Variants in GRIK2 observed in about 807,000 individuals in gnomAD.
GRIK2 encodes glutamate ionotropic receptor kainate type subunit 2, also known as glutamate receptor ionotropic, kainate 2.
Under a neutral mutation model 100.3 loss-of-function variants are expected in GRIK2, and 32 were observed. That is an observed-to-expected ratio of 0.32 (90% confidence interval 0.24 to 0.43). GRIK2 has a LOEUF of 0.43. Among genes scored for constraint, GRIK2 ranks in the 20% least tolerant of loss-of-function variants. The probability of loss-of-function intolerance (pLI) is 1.00; values close to 1 mark genes in which losing one functional copy is unlikely to be tolerated. For missense variants in GRIK2, 843 were observed against 1,114.9 expected (o/e 0.76, Z 3.47); for synonymous variants, 417 against 389.4 (o/e 1.07, Z -0.83).
intron 7 of GRIK2, among the ~76,000 whole-genome samples, chr6:101,700,270 T>A (rs1218577450): frequency 1.3e-5 from 2 of 151,980 alleles, no homozygotes; most frequent in African/African-American, 4.8e-5. Flanking sequence ...TTAGCATCAC[T>A]AAGTACAGGA....
chr6:101,394,367 G>A (rs1221578889), intron 1 of GRIK2, among the ~76,000 whole-genome samples: 1 of 152,222 alleles, frequency 6.6e-6, no homozygotes, highest in East Asian at 1.9e-4. Context: ...GGAGTGGGCA[G>A]TGTTACCAGG....
intron 14 of GRIK2, chr6:101,993,530 A>T (rs183591259): frequency 7.3e-5 from 11 of 151,296 alleles, no homozygotes; most frequent in Admixed American, 2.6e-4. Context: ...ACAGGCTTTA[A>T]AATCTAATGA....
At chr6:101,908,757 G>A (rs1788422723) in intron 12 of GRIK2, among the ~76,000 whole-genome samples, 1 of 149,098 alleles carries the variant, frequency 6.7e-6, no homozygotes, top group African/African-American at 2.5e-5. Context: ...TGAAAAGACA[G>A]ATAAGATAGG....
At chr6:101,885,248 T>A (rs925867575) in intron 11 of GRIK2, among the ~76,000 whole-genome samples, 1 of 152,110 alleles carries the variant, frequency 6.6e-6, no homozygotes. Context: ...GAGAAATTAA[T>A]GTGGATAGAG....
intron 2 of GRIK2, among the ~76,000 whole-genome samples, chr6:101,577,176 C>T (rs1160055816): frequency 1.3e-5 from 2 of 148,172 alleles, no homozygotes; most frequent in Middle Eastern, 3.3e-3. Flanking sequence ...AAAAAAACAA[C>T]AACATCAGGC....
chr6:101,985,570 A>C (rs1013479862), intron 14 of GRIK2, among the ~76,000 whole-genome samples: 1 of 151,790 alleles, frequency 6.6e-6, no homozygotes, highest in African/African-American at 2.4e-5. Flanking sequence ...AGTGAAGCAC[A>C]GTTTGTCCAT....
At chr6:101,985,040 A>ACTT (rs2128490519) in intron 14 of GRIK2, among the ~76,000 whole-genome samples, 1 of 151,784 alleles carries the variant, frequency 6.6e-6, no homozygotes, top group Non-Finnish European at 1.5e-5. Context: ...ACAGTGGAAA[A>ACTT]CTTATTGCTA....
At chr6:101,981,023 C>T (rs1373286502) in intron 14 of GRIK2, among the ~76,000 whole-genome samples, 1 of 150,924 alleles carries the variant, frequency 6.6e-6, no homozygotes, top group East Asian at 2.0e-4. Context: ...CAACAGAATT[C>T]CACTTAATCT....
At chr6:101,960,104 T>C (rs1174594792) in intron 14 of GRIK2, among the ~76,000 whole-genome samples, 3 of 143,606 alleles carry the variant, frequency 2.1e-5, no homozygotes, top group Non-Finnish European at 1.5e-5. Context: ...GTCTTTAAGC[T>C]CTGATTATTT....
At chr6:101,482,148 A>G (rs1219511094) in intron 2 of GRIK2, among the ~76,000 whole-genome samples, 1 of 152,192 alleles carries the variant, frequency 6.6e-6, no homozygotes, top group Non-Finnish European at 1.5e-5. Flanking sequence ...ATTGGTTATT[A>G]TACACACTAG....
chr6:101,856,704 T>C (rs771117447), intron 10 of GRIK2, among the ~76,000 whole-genome samples: 2 of 152,126 alleles, frequency 1.3e-5, no homozygotes, highest in Non-Finnish European at 2.9e-5. Context: ...GGTCTTTATG[T>C]GATCGAAGAG....
Position 101,936,065 on chromosome 6 carries a change from CT to C in GRIK2, c.2085+7443del, listed in dbSNP as rs969899247. ...TCACATATTGAAGTTTATAGATAATCTTTTTTTTTTCTTTGTGCTTTAATGA... is the reference window on the plus strand; with the variant it reads ...TCACATATTGAAGTTTATAGATAATCTTTTTTTTTCTTTGTGCTTTAATGA... On this transcript the variant is annotated intron_variant, in intron 14 of 16. Coordinates refer to ENST00000369134, the MANE Select transcript of GRIK2 (RefSeq NM_021956.5). Among the ~76,000 whole-genome samples the C allele has an allele frequency of 8.2e-4, 122 of 149,288 alleles. 3 individuals carry two copies. Among genetic ancestry groups the C allele is most frequent in the African/African-American group, 2.3e-3 (95 of 40,794 alleles).
chr6:101,682,926 G>A (rs569518877), intron 6 of GRIK2, among the ~76,000 whole-genome samples: 108 of 152,030 alleles, frequency 7.1e-4, no homozygotes, highest in Non-Finnish European at 1.3e-3. Flanking sequence ...AAATTCAGCC[G>A]GGCACAGTGG....
intron 2 of GRIK2, among the ~76,000 whole-genome samples, chr6:101,609,397 A>G (rs1439330030): frequency 6.6e-6 from 1 of 151,798 alleles, no homozygotes; most frequent in African/African-American, 2.4e-5. Context: ...AGCATTAGAT[A>G]TATCCTCTAT....
chr6:101,670,725 C>A (rs1770371059), intron 4 of GRIK2, among the ~76,000 whole-genome samples: 1 of 152,062 alleles, frequency 6.6e-6, no homozygotes, highest in South Asian at 2.1e-4. Context: ...GTCAAAATAT[C>A]ATCCAAAAAT....
intron 2 of GRIK2, among the ~76,000 whole-genome samples, chr6:101,603,203 CA>C (rs1164105264): frequency 6.6e-6 from 1 of 151,666 alleles, no homozygotes; most frequent in Non-Finnish European, 1.5e-5. Flanking sequence ...TATACACCCA[CA>C]GTATCAACTG....
chr6:102,050,079 A>T (rs1771091483), intron 15 of GRIK2, among the ~76,000 whole-genome samples: 1 of 152,168 alleles, frequency 6.6e-6, no homozygotes, highest in African/African-American at 2.4e-5. Flanking sequence ...ATGAAATAAG[A>T]TAAAGAGAAA....
At chr6:101,638,660 G>A (rs1212721353) in intron 4 of GRIK2, among the ~76,000 whole-genome samples, 2 of 152,068 alleles carry the variant, frequency 1.3e-5, no homozygotes, top group Non-Finnish European at 1.5e-5. Context: ...AACCAAAGAA[G>A]ACTATTGTGA....
At chr6:102,005,326 A>G (rs1795155331) in intron 14 of GRIK2, among the ~76,000 whole-genome samples, 2 of 151,974 alleles carry the variant, frequency 1.3e-5, no homozygotes, top group South Asian at 4.1e-4. Flanking sequence ...TATATAATCT[A>G]TAAGTTGTGA....
Sources: allele counts gnomAD v4.1 joint callset (sites outside exome capture counted in the v4.1 genomes callset), GRCh38; gene constraint gnomAD v4.1.1; transcripts MANE v1.5; gene names NCBI Gene and HGNC (gene_info 2026-07-23, HGNC 2026-07-21).